UBASH3B: variants seen among roughly 807,000 people sequenced by gnomAD.
The protein encoded by UBASH3B is ubiquitin associated and SH3 domain containing B.
A neutral mutation model predicts 83.4 loss-of-function variants in UBASH3B; 37 were observed. The ratio of observed to expected loss-of-function variants is 0.44; its 90% CI spans 0.34 to 0.58. The LOEUF is 0.58. UBASH3B is among the 20% of genes least tolerant of loss of function. The probability of loss-of-function intolerance (pLI) is 0.01; values close to 1 mark genes in which losing one functional copy is unlikely to be tolerated. For synonymous variants in UBASH3B, 304 were observed against 318.3 expected (o/e 0.96, Z 0.48); for missense variants, 657 against 827.2 (o/e 0.79, Z 2.52).
chr11:122,674,738 T>G (rs1159982673), intron 1 of UBASH3B, among the ~76,000 whole-genome samples: 2 of 148,682 alleles, frequency 1.3e-5, no homozygotes, highest in Non-Finnish European at 1.5e-5. Context: ...TTTTTTTTTT[T>G]TTTTTTTTGA....
intron 1 of UBASH3B, among the ~76,000 whole-genome samples, chr11:122,771,525 G>A (rs963237792): frequency 5.9e-5 from 9 of 152,318 alleles, no homozygotes; most frequent in Middle Eastern, 6.8e-3. Context: ...ACAGGCGTGA[G>A]CCACCGTGTC....
intron 5 of UBASH3B, among the ~76,000 whole-genome samples, chr11:122,787,566 C>A (rs1860977139): frequency 6.6e-6 from 1 of 152,168 alleles, no homozygotes; most frequent in Non-Finnish European, 1.5e-5. Flanking sequence ...ATAACATGTT[C>A]TGGTGTATCA....
intron 1 of UBASH3B, among the ~76,000 whole-genome samples, chr11:122,677,732 G>A (rs927081749): frequency 6.6e-6 from 1 of 152,020 alleles, no homozygotes; most frequent in African/African-American, 2.4e-5. Flanking sequence ...GCATGGGCAA[G>A]AGGAGCAAAA....
At chr11:122,661,906 C>CT (rs34060053) in intron 1 of UBASH3B, among the ~76,000 whole-genome samples, 1,351 of 113,170 alleles carry the variant, frequency 0.012, 14 homozygotes, top group African/African-American at 0.033. Flanking sequence ...TGCTTTTTTT[C>CT]TTTTTTTTTT....
chr11:122,762,377 G>A (rs527625059), intron 1 of UBASH3B, among the ~76,000 whole-genome samples: 4 of 152,274 alleles, frequency 2.6e-5, no homozygotes, highest in Non-Finnish European at 4.4e-5. Flanking sequence ...GACTTGATCC[G>A]AGGATCTGCG....
At chr11:122,711,609 C>T (rs1864193256) in intron 1 of UBASH3B, among the ~76,000 whole-genome samples, 1 of 152,250 alleles carries the variant, frequency 6.6e-6, no homozygotes, top group Non-Finnish European at 1.5e-5. Flanking sequence ...CCGGGCACTT[C>T]AGCCTGGCCT....
intron 6 of UBASH3B, among the ~76,000 whole-genome samples, chr11:122,794,060 T>C (rs566977265): frequency 5.9e-5 from 9 of 152,346 alleles, no homozygotes; most frequent in Admixed American, 2.6e-4. Flanking sequence ...AAACAGATCA[T>C]TGATACGTTG....
At chr11:122,773,950 T>C in intron 1 of UBASH3B, 1 of 985,032 alleles carries the variant, frequency 1.0e-6, no homozygotes, top group Middle Eastern at 5.2e-4. Flanking sequence ...CTTTTCCCAG[T>C]TGTTTTTGGA....
intron 1 of UBASH3B, among the ~76,000 whole-genome samples, chr11:122,775,357 T>C (rs1591808075): frequency 6.6e-6 from 1 of 152,368 alleles, no homozygotes; most frequent in East Asian, 1.9e-4. Flanking sequence ...CAGTTAGTCA[T>C]GCTTTGAGTT....
At position 122,809,742 on chromosome 11, in the gene UBASH3B, A is replaced by AC; in HGVS notation, c.1813-6dup. ...AATATCCCCTTTCTTTACGACTCTTACTTCAGATCCCATATCTGGGATTTT... is the reference window on the plus strand; with the variant it reads ...AATATCCCCTTTCTTTACGACTCTTACCTTCAGATCCCATATCTGGGATTTT... On this transcript the variant is annotated splice_polypyrimidine_tract_variant and splice_region_variant and intron_variant, in intron 13 of 13. Transcript: ENST00000284273. 1.9e-6 allele frequency: 3 copies of AC among 1,614,020 alleles called. No individual in the cohort carries two copies. The highest frequency in any genetic ancestry group is 2.5e-6 in the Non-Finnish European group (3 of 1,179,994).
chr11:122,704,274 A>G (rs1451765339), intron 1 of UBASH3B, among the ~76,000 whole-genome samples: 3 of 152,180 alleles, frequency 2.0e-5, no homozygotes, highest in African/African-American at 4.8e-5. Flanking sequence ...AGGTGGCTGG[A>G]AGAAGTTCAC....
At chr11:122,720,523 T>G (rs960414644) in intron 1 of UBASH3B, among the ~76,000 whole-genome samples, 1 of 152,236 alleles carries the variant, frequency 6.6e-6, no homozygotes, top group Non-Finnish European at 1.5e-5. Flanking sequence ...CAACGTTCTC[T>G]GTGTTACAAA....
chr11:122,767,093 C>G (rs937460014), intron 1 of UBASH3B, among the ~76,000 whole-genome samples: 1 of 152,056 alleles, frequency 6.6e-6, no homozygotes, highest in African/African-American at 2.4e-5. Context: ...GCCTGACCAA[C>G]ATGGTGAAAC....
chr11:122,768,476 G>C, intron 1 of UBASH3B, among the ~76,000 whole-genome samples: 1 of 106,782 alleles, frequency 9.4e-6, no homozygotes, highest in East Asian at 2.4e-4. Context: ...ATGTATGTGT[G>C]TGTGTGTGTG....
chr11:122,810,110 G>C lies in UBASH3B; in HGVS notation c.*224G>C, dbSNP rs1417488866. On this transcript the variant is annotated 3_prime_UTR_variant, in exon 14 of 14. Coordinates refer to ENST00000284273, the MANE Select transcript of UBASH3B (RefSeq NM_032873.5). Reference sequence around the variant, plus strand: ...TCTGGACTCTTGCCTAGCTCACAAGGCTTTGGAGAATTGTCTTCCTAAATC... The same window carrying C: ...TCTGGACTCTTGCCTAGCTCACAAGCCTTTGGAGAATTGTCTTCCTAAATC... The C allele has an allele frequency of 5.2e-5, 26 of 495,626 alleles. No homozygotes were observed. The East Asian group carries it at 8.5e-4, about 16-fold the overall frequency. The allele number at this position is 495,626 out of a possible 1,614,324, so 30.7% of individuals were successfully genotyped here.
chr11:122,712,839 CATCTCTGAGCTG>C lies in UBASH3B; in HGVS notation c.161+56631_161+56642del, dbSNP rs1333395635. Reference sequence around the variant, plus strand: ...TGAGGAATAGTGGTACAGGGATGTACATCTCTGAGCTGAGCCCCAGGAAGCTGACTGGACATT... The same window carrying C: ...TGAGGAATAGTGGTACAGGGATGTACAGCCCCAGGAAGCTGACTGGACATT... On this transcript the variant is annotated intron_variant, in intron 1 of 13. Coordinates refer to ENST00000284273, the MANE Select transcript of UBASH3B (RefSeq NM_032873.5). 5.5e-5 allele frequency among the ~76,000 whole-genome samples: 8 copies of C among 145,118 alleles called. No homozygotes were observed. The East Asian group carries it at 1.7e-3, about 32-fold the overall frequency.
At chr11:122,712,034 A>ATT (rs9326263) in intron 1 of UBASH3B, among the ~76,000 whole-genome samples, 12 of 145,640 alleles carry the variant, frequency 8.2e-5, no homozygotes, top group Non-Finnish European at 1.7e-4. Flanking sequence ...TGCCAGCTGC[A>ATT]TTTTTTTTTT....
At position 122,799,002 on chromosome 11, in the gene UBASH3B, G is replaced by T. The variant is rs1216696167; in HGVS notation, c.1418G>T (p.Arg473Leu). ...IDHVYCSPSL[R>L]CVQTAHNILK... The stretch of plus-strand genomic sequence containing the variant: ...CATGTCTATTGCTCCCCGTCCCTTC[G>T]CTGCGTTCAGACTGCACACAATATC... Residue 473 changes from arginine to leucine, a missense_variant, in exon 10 of 14, where the codon CGC (arginine) becomes CTC (leucine). By Grantham distance (102) the Arg-to-Leu change is moderately radical. Transcript: ENST00000284273. The T allele has an allele frequency of 6.2e-7, 1 of 1,613,980 alleles. No homozygotes were observed. The highest frequency in any genetic ancestry group is 1.1e-5 in the South Asian group (1 of 91,068).
intron 1 of UBASH3B, among the ~76,000 whole-genome samples, chr11:122,757,766 T>C (rs1258811291): frequency 1.4e-5 from 2 of 141,002 alleles, no homozygotes; most frequent in South Asian, 4.6e-4. Context: ...CAGGCTGAAG[T>C]GCAGTGGTGC....
Sources: allele counts gnomAD v4.1 joint callset (sites outside exome capture counted in the v4.1 genomes callset), GRCh38; gene constraint gnomAD v4.1.1; transcripts MANE v1.5; gene names NCBI Gene and HGNC (gene_info 2026-07-23, HGNC 2026-07-21).